The following IL6R variants were observed in gnomAD, a reference collection of about 807,000 sequenced individuals.
The protein encoded by IL6R is interleukin 6 receptor.
In IL6R, 38 loss-of-function variants were observed where a neutral mutation model predicts 48.3. That is an observed-to-expected ratio of 0.79 (90% CI 0.61 to 1.03). IL6R has a LOEUF of 1.03. Among genes scored for constraint, IL6R ranks in the 50% least tolerant of loss-of-function variants. The probability of loss-of-function intolerance (pLI) is 0.00; values close to 1 mark genes in which losing one functional copy is unlikely to be tolerated. For synonymous variants in IL6R, 264 were observed against 256.2 expected (o/e 1.03, Z -0.29); for missense variants, 534 against 618.3 (o/e 0.86, Z 1.45).
chr1:154,456,326 C>T (rs1056297928), intron 9 of IL6R, among the ~76,000 whole-genome samples: 10 of 151,802 alleles, frequency 6.6e-5, no homozygotes, highest in Admixed American at 3.9e-4. Context: ...GTGCCTCAGC[C>T]TCCTGAGTAG....
intron 6 of IL6R, among the ~76,000 whole-genome samples, chr1:154,441,084 A>G (rs979842962): frequency 5.9e-5 from 9 of 152,204 alleles, no homozygotes; most frequent in African/African-American, 2.2e-4. Flanking sequence ...GGGATAACCA[A>G]TGACAAATTT....
At chr1:154,437,247 C>T (rs1689673802) in intron 6 of IL6R, among the ~76,000 whole-genome samples, 1 of 152,128 alleles carries the variant, frequency 6.6e-6, no homozygotes, top group African/African-American at 2.4e-5. Context: ...CAGGCACCTG[C>T]CACCACGCCC....
chr1:154,432,357 CTTTT>C (rs1171656160), intron 3 of IL6R, among the ~76,000 whole-genome samples: 2 of 139,334 alleles, frequency 1.4e-5, no homozygotes. Context: ...AACTGAAATA[CTTTT>C]TTTTTTTTTT....
At chr1:154,427,308 G>A (rs1570947131) in intron 1 of IL6R, among the ~76,000 whole-genome samples, 1 of 152,308 alleles carries the variant, frequency 6.6e-6, no homozygotes, top group South Asian at 2.1e-4. Context: ...GCAGGTCTCT[G>A]GGATGCCTGA....
intron 6 of IL6R, among the ~76,000 whole-genome samples, chr1:154,438,349 T>A (rs975950397): frequency 1.3e-5 from 2 of 152,112 alleles, no homozygotes; most frequent in African/African-American, 4.8e-5. Context: ...TCTGCTTAAA[T>A]GCTTCCAGAG....
At chr1:154,419,946 C>G (rs1484296496) in intron 1 of IL6R, among the ~76,000 whole-genome samples, 1 of 152,108 alleles carries the variant, frequency 6.6e-6, no homozygotes, top group Non-Finnish European at 1.5e-5. Context: ...GTCCCCAGAC[C>G]AAAGGGTGTC....
At chr1:154,458,947 A>G in intron 9 of IL6R, among the ~76,000 whole-genome samples, 1 of 151,522 alleles carries the variant, frequency 6.6e-6, no homozygotes, top group East Asian at 1.9e-4. Flanking sequence ...CAAACCAAAA[A>G]CTCCTGCTAT....
intron 1 of IL6R, chr1:154,415,245 CT>C: frequency 4.9e-6 from 3 of 611,266 alleles, no homozygotes; most frequent in Admixed American, 2.8e-5. Context: ...AAAGATTCTC[CT>C]TTTCTGGTAT....
chr1:154,461,960 A>G (rs1691288166), intron 9 of IL6R, among the ~76,000 whole-genome samples: 1 of 152,212 alleles, frequency 6.6e-6, no homozygotes, highest in Non-Finnish European at 1.5e-5. Flanking sequence ...TCCGTAAAAC[A>G]TCTTAAGTGA....
chr1:154,423,742 A>C (rs1294444133), intron 1 of IL6R, among the ~76,000 whole-genome samples: 1 of 152,194 alleles, frequency 6.6e-6, no homozygotes, highest in Non-Finnish European at 1.5e-5. Context: ...TCCCTGTTTT[A>C]AAAAATAGTG....
At chr1:154,433,260 C>T (rs565659138) in intron 3 of IL6R, among the ~76,000 whole-genome samples, 157 of 152,354 alleles carry the variant, frequency 1.0e-3, no homozygotes, top group Non-Finnish European at 1.1e-3. Flanking sequence ...GTGGCAGACT[C>T]GTCACCCCAG....
At chr1:154,409,899 G>A (rs1687933553) in intron 1 of IL6R, among the ~76,000 whole-genome samples, 1 of 152,158 alleles carries the variant, frequency 6.6e-6, no homozygotes, top group Non-Finnish European at 1.5e-5. Context: ...ATGGTGCCTT[G>A]GATGGGAGGC....
In IL6R at chr1:154,414,558, C is replaced by T. The variant is rs76999266; in HGVS notation, c.85+8844C>T. ...GTGTTGAAGAAGAGGATCTGGTGGC[C>T]TCGGTAAAAGGGATTTTCTCATAGG... On this transcript the variant is annotated intron_variant, in intron 1 of 9. Coordinates refer to ENST00000368485, the MANE Select transcript of IL6R (RefSeq NM_000565.4). 5.2e-4 allele frequency: 391 copies of T among 750,130 alleles called. 3 individuals are homozygous for T. In the African/African-American group the frequency reaches 6.3e-3, roughly 12 times the overall value. The allele number at this position is 750,130 out of a possible 1,614,324, so 46.5% of individuals were successfully genotyped here.
intron 1 of IL6R, among the ~76,000 whole-genome samples, chr1:154,427,431 C>T (rs2149232240): frequency 6.6e-6 from 1 of 152,272 alleles, no homozygotes; most frequent in South Asian, 2.1e-4. Flanking sequence ...GGAACCTGCC[C>T]AAACTCGCCT....
In IL6R at chr1:154,430,492, A is replaced by G; in HGVS notation, c.344A>G (p.Glu115Gly). 1 of 1,613,608 alleles carries G rather than the reference A, an allele frequency of 6.2e-7. No homozygotes were observed. Among genetic ancestry groups the G allele is most frequent in the African/African-American group, 1.3e-5 (1 of 75,004 alleles). ...AATGCTTTCCTTTCAGTTCCCCCCG[A>G]GGAGCCCCAGCTCTCCTGCTTCCGG... ...TVHLLVDVPP[E>G]EPQLSCFRKS... is the part of the protein sequence containing the mutation. Residue 115 changes from glutamate to glycine, a missense_variant, in exon 3 of 10, where the codon GAG (glutamate) becomes GGG (glycine). Transcript: ENST00000368485.
At chr1:154,439,353 C>T (rs936653054) in intron 6 of IL6R, among the ~76,000 whole-genome samples, 4 of 152,170 alleles carry the variant, frequency 2.6e-5, no homozygotes, top group African/African-American at 7.2e-5. Flanking sequence ...CTCGCTCTGT[C>T]GCCCAGGCTA....
intron 6 of IL6R, among the ~76,000 whole-genome samples, chr1:154,439,818 T>C (rs1689830875): frequency 6.6e-6 from 1 of 152,218 alleles, no homozygotes; most frequent in South Asian, 2.1e-4. Flanking sequence ...TTGACTACTC[T>C]AGTACTTCAT....
rs1388493525 is a variant in IL6R at position 154,454,561 on chromosome 1, C to A, written c.1140C>A (p.Leu380=). ...AGGSLAFGTL[L]CIAIVLRFKK... ...GGAGCCTGGCCTTCGGAACGCTCCT[C>A]TGCATTGCCATTGTTCTGAGGTGAG... Residue 380 remains leucine, a synonymous_variant, in exon 9 of 10, where the codon CTC becomes CTA. Coordinates refer to ENST00000368485, the MANE Select transcript of IL6R (RefSeq NM_000565.4). 6.2e-7 allele frequency: 1 copy of A among 1,613,166 alleles called. No individual in the cohort carries two copies. Among genetic ancestry groups the A allele is most frequent in the Admixed American group, 1.7e-5 (1 of 60,016 alleles).
intron 3 of IL6R, among the ~76,000 whole-genome samples, chr1:154,432,291 G>T (rs1183191517): frequency 4.6e-5 from 7 of 152,072 alleles, no homozygotes; most frequent in Non-Finnish European, 1.0e-4. Context: ...GATAGAGACT[G>T]TGGCTGGCAG....
Sources: gnomAD v4.1 joint callset for allele counts (sites outside exome capture counted in the v4.1 genomes callset) on GRCh38, gnomAD v4.1.1 for gene constraint, MANE v1.5 for transcripts, NCBI Gene and HGNC (gene_info 2026-07-23, HGNC 2026-07-21) for gene names.